The following WARS1 variants were observed in gnomAD, a reference collection of about 807,000 sequenced individuals.
WARS1 encodes the protein tryptophanyl-tRNA synthetase 1.
WARS1 carries 17 observed loss-of-function variants against 47.8 expected under a neutral mutation model. That is an observed-to-expected ratio of 0.36 (90% CI 0.24 to 0.53). The LOEUF is 0.53. Among genes scored for constraint, WARS1 ranks in the 20% least tolerant of loss-of-function variants. The pLI is 0.91. For synonymous variants in WARS1, 208 were observed against 228.1 expected (o/e 0.91, Z 0.79); for missense variants, 434 against 608.0 (o/e 0.71, Z 3.01).
chr14:100,350,399 G>A (rs117682345), intron 6 of WARS1, among the ~76,000 whole-genome samples: 1,286 of 112,008 alleles, frequency 0.011, no homozygotes, highest in Middle Eastern at 0.016. Context: ...CTCAAAAAAA[G>A]AAAAAAAAAA....
rs77348657 is a variant in WARS1 at position 100,369,511 on chromosome 14, G to T, written c.-73-253C>A. ...ACTGACTTAAGGTGTGAATCTACTT[G>T]ACTAGGAGGGGCCCTCCTAGTCAAG... On this transcript the variant is annotated intron_variant, in intron 1 of 10. Coordinates refer to ENST00000392882, the MANE Select transcript of WARS1 (RefSeq NM_004184.4). 3.4e-3 allele frequency among the ~76,000 whole-genome samples: 523 copies of T among 152,040 alleles called. 4 individuals carry two copies. The highest frequency in any genetic ancestry group is 0.012 in the African/African-American group (490 of 41,472).
intron 4 of WARS1, among the ~76,000 whole-genome samples, chr14:100,354,943 ACT>A (rs1346567340): frequency 6.6e-6 from 1 of 152,084 alleles, no homozygotes; most frequent in Admixed American, 6.6e-5. Flanking sequence ...AGCCCCGAGG[ACT>A]CTCAGACCAA....
At chr14:100,346,013 C>T (rs376164406) in intron 7 of WARS1, among the ~76,000 whole-genome samples, 15 of 152,304 alleles carry the variant, frequency 9.8e-5, no homozygotes, top group Middle Eastern at 3.4e-3. Flanking sequence ...GGAGCTGGCT[C>T]GGCTGGCAGC....
chr14:100,367,591 G>A (rs1448489475), intron 2 of WARS1, among the ~76,000 whole-genome samples: 2 of 145,940 alleles, frequency 1.4e-5, no homozygotes, highest in Non-Finnish European at 3.0e-5. Context: ...CCATCTCGGG[G>A]GGCGGGGGTG....
rs1896475510 is a variant in WARS1 at position 100,373,793 on chromosome 14, T to G, written c.-74+1490A>C. On this transcript the variant is annotated intron_variant, in intron 1 of 10. Transcript: ENST00000392882. The surrounding 1 kb of genome is among the most constrained non-coding windows in gnomAD (Gnocchi z 4.4). ...TGATCATGATCACAAGGCATATACT[T>G]TGCGTGGGAATCATCCACACTATTG... is the stretch of plus-strand genomic sequence containing the variant. Among the ~76,000 whole-genome samples, 1 of 151,810 alleles carries G rather than the reference T, an allele frequency of 6.6e-6. No individual in the cohort carries two copies. The highest frequency in any genetic ancestry group is 2.1e-4 in the South Asian group (1 of 4,824).
At chr14:100,362,305 TTTAA>T (rs1895710611) in intron 2 of WARS1, among the ~76,000 whole-genome samples, 1 of 152,226 alleles carries the variant, frequency 6.6e-6, no homozygotes, top group Admixed American at 6.5e-5. Context: ...GACAAGCTCC[TTTAA>T]TTGAGATTCC....
chr14:100,356,499 C>T (rs1895333854), intron 4 of WARS1, among the ~76,000 whole-genome samples: 3 of 151,562 alleles, frequency 2.0e-5, no homozygotes, highest in Non-Finnish European at 2.9e-5. Context: ...AGGATTACTA[C>T]ATAAGGGAAT....
chr14:100,348,221 G>C (rs1894750681), intron 6 of WARS1, among the ~76,000 whole-genome samples: 1 of 152,222 alleles, frequency 6.6e-6, no homozygotes, highest in Non-Finnish European at 1.5e-5. Flanking sequence ...GAAGAGTTTA[G>C]ACTTTTGGGG....
chr14:100,355,989 G>A (rs1217177040), intron 4 of WARS1, among the ~76,000 whole-genome samples: 5 of 152,122 alleles, frequency 3.3e-5, no homozygotes, highest in Admixed American at 2.0e-4. Flanking sequence ...CTGTGTGCTC[G>A]GTCCTGGGGT....
At chr14:100,363,623 G>C (rs1195478381) in intron 2 of WARS1, among the ~76,000 whole-genome samples, 2 of 152,116 alleles carry the variant, frequency 1.3e-5, no homozygotes, top group Non-Finnish European at 2.9e-5. Flanking sequence ...CTTGAGCCAG[G>C]GAGGCAGAGG....
chr14:100,341,858 C>T (rs1456413044), intron 9 of WARS1, among the ~76,000 whole-genome samples: 1 of 152,170 alleles, frequency 6.6e-6, no homozygotes, highest in African/African-American at 2.4e-5. Context: ...CTGCTCAGGG[C>T]CAGGAGAGCA....
chr14:100,361,123 T>C (rs1895635286), intron 3 of WARS1, among the ~76,000 whole-genome samples: 2 of 152,250 alleles, frequency 1.3e-5, no homozygotes, highest in East Asian at 3.8e-4. Context: ...TCATTGATAG[T>C]CTATACTGAA....
rs780184424 is a variant in WARS1 at position 100,369,145 on chromosome 14, T to C, written c.41A>G (p.Asn14Ser). Reference protein sequence around the residue: ...SEPASLLELFNSIATQGELVR... With the variant: ...SEPASLLELFSSIATQGELVR... ...GAGCTCCCCTTGTGTGGCGATGCTG[T>C]TGAACAGCTCCAGCAGAGATGCGGG... is the stretch of plus-strand genomic sequence containing the variant. The change falls in exon 2 of 11, where the codon AAC (asparagine) becomes AGC (serine). Residue 14 changes from asparagine to serine, a missense_variant. Asn to Ser is a conservative substitution (Grantham distance 46). Transcript: ENST00000392882. 1.3e-6 allele frequency: 2 copies of C among 1,568,402 alleles called. No homozygotes were observed. Among genetic ancestry groups the C allele is most frequent in the East Asian group, 4.7e-5 (2 of 42,954 alleles).
intron 2 of WARS1, among the ~76,000 whole-genome samples, chr14:100,366,394 TC>T (rs1471055153): frequency 1.3e-5 from 2 of 152,136 alleles, no homozygotes; most frequent in African/African-American, 4.8e-5. Flanking sequence ...GATAAGCTCT[TC>T]CCCAATGAAG....
Position 100,369,182 on chromosome 14 carries a change from G to A in WARS1, c.4C>T (p.Pro2Ser). 2 of 1,404,862 alleles carry A rather than the reference G, an allele frequency of 1.4e-6. No individual in the cohort carries two copies. The highest frequency in any genetic ancestry group is 1.4e-5 in the South Asian group (1 of 73,536). The allele number at this position is 1,404,862 out of a possible 1,614,324, so 87.0% of individuals were successfully genotyped here. Residue 2 changes from proline (P) to serine (S), a missense_variant, in exon 2 of 11, where the codon CCC becomes TCC. Physicochemically the swap from Pro to Ser is moderately conservative, Grantham distance 74. Coordinates refer to ENST00000392882, the MANE Select transcript of WARS1 (RefSeq NM_004184.4). ...AGCAGAGATGCGGGCTCACTGTTGG[G>A]CATGTTTGCTATCTCTCAGGAACTA... M[P>S]NSEPASLLEL...
rs560295632 is a variant in WARS1, at chr14:100,372,873, C to A, written c.-74+2410G>T. 5.3e-5 allele frequency among the ~76,000 whole-genome samples: 8 copies of A among 152,220 alleles called. No individual in the cohort carries two copies. In the East Asian group the frequency reaches 1.5e-3, roughly 29 times the overall value. ...AATCCCTGCTGCTCCCTGCTGCCTG[C>A]CTGCCTGCCTGCCTGAAATGTCTCA... On this transcript the variant is annotated intron_variant, in intron 1 of 10. Coordinates refer to ENST00000392882, the MANE Select transcript of WARS1 (RefSeq NM_004184.4).
At chr14:100,370,163 G>A (rs1055704437) in intron 1 of WARS1, among the ~76,000 whole-genome samples, 13 of 152,144 alleles carry the variant, frequency 8.5e-5, no homozygotes, top group Non-Finnish European at 1.3e-4. Context: ...TCCATTCCAC[G>A]TGCTGCCTTA....
At position 100,342,544 on chromosome 14, in the gene WARS1, C is replaced by T. The variant is rs962736815; in HGVS notation, c.967G>A (p.Val323Ile). The change falls in exon 9 of 11, where the codon GTC becomes ATC. Residue 323 changes from valine (V) to isoleucine (I), a missense_variant. This residue lies in a region of WARS1 where 347 missense variants were observed against 523.8 expected (regional missense o/e 0.66). Transcript: ENST00000392882. The stretch of plus-strand genomic sequence containing the variant: ...TTAGGATAGCCGATCCTGGGGGCGA[C>T]GTCCCTTGTCATTCTAAAGTAAGGA... ...QDPYFRMTRD[V>I]APRIGYPKPA... is the part of the protein sequence containing the mutation. 21 of 1,612,152 alleles carry T rather than the reference C, an allele frequency of 1.3e-5. No individual in the cohort carries two copies. Among genetic ancestry groups the T allele is most frequent in the African/African-American group, 2.7e-5 (2 of 74,826 alleles).
chr14:100,340,516 T>A (rs1894089250), intron 9 of WARS1: 1 of 152,170 alleles, frequency 6.6e-6, no homozygotes, highest in Non-Finnish European at 1.5e-5. Flanking sequence ...GGGGCCTCAC[T>A]GTGCCACCCC....
Sources: gnomAD v4.1 joint callset for allele counts (sites outside exome capture counted in the v4.1 genomes callset) on GRCh38, gnomAD v4.1.1 for gene constraint, gnomAD v4.1.1 regional missense constraint, Gnocchi (gnomAD v3.1) non-coding constraint, MANE v1.5 for transcripts, NCBI Gene and HGNC (gene_info 2026-07-23, HGNC 2026-07-21) for gene names.